The following LDB2 variants were observed in gnomAD, a reference collection of about 807,000 sequenced individuals.
LDB2 encodes the protein LIM domain binding 2.
LDB2 carries 12 observed loss-of-function variants against 44.3 expected under a neutral mutation model. The ratio of observed to expected loss-of-function variants is 0.27; its 90% CI spans 0.17 to 0.44. The LOEUF (loss-of-function observed/expected upper bound fraction) is 0.44. Ranked by LOEUF, LDB2 falls within the 20% of genes least tolerant of loss-of-function variation. LDB2 has a pLI of 1.00. For missense variants in LDB2, 344 were observed against 473.5 expected (o/e 0.73, Z 2.54); for synonymous variants, 164 against 174.8 (o/e 0.94, Z 0.49).
At chr4:16,638,420 A>G (rs115642994) in intron 2 of LDB2, among the ~76,000 whole-genome samples, 1,972 of 152,338 alleles carry the variant, frequency 0.013, 26 homozygotes, top group South Asian at 0.04. Context: ...GAACGTACGA[A>G]TAGAGCTTAG....
chr4:16,514,749 A>T (rs1723011790), intron 5 of LDB2, among the ~76,000 whole-genome samples: 1 of 152,186 alleles, frequency 6.6e-6, no homozygotes. Context: ...AAGTAATGAG[A>T]CCTGGGTTAG....
At chr4:16,568,481 G>A (rs1001276147) in intron 5 of LDB2, among the ~76,000 whole-genome samples, 4 of 152,128 alleles carry the variant, frequency 2.6e-5, no homozygotes, top group South Asian at 2.1e-4. Flanking sequence ...TATAAGTGGC[G>A]TCATTTATTC....
intron 5 of LDB2, among the ~76,000 whole-genome samples, chr4:16,517,116 T>C (rs537023564): frequency 6.6e-6 from 1 of 152,288 alleles, no homozygotes; most frequent in South Asian, 2.1e-4. Context: ...CCTTAGTTGC[T>C]AGTCAAATCC....
chr4:16,744,760 G>A (rs963369855), intron 2 of LDB2, among the ~76,000 whole-genome samples: 1 of 152,224 alleles, frequency 6.6e-6, no homozygotes, highest in African/African-American at 2.4e-5. Context: ...ACAGGCCTGA[G>A]ACACCGCGCC....
chr4:16,508,229 A>G lies in LDB2; in HGVS notation c.891+306T>C, dbSNP rs184142157. Among the ~76,000 whole-genome samples the G allele has an allele frequency of 2.0e-5, 3 of 152,330 alleles. No homozygotes were observed. The East Asian group carries it at 5.8e-4, about 29-fold the overall frequency. On this transcript the variant is annotated intron_variant, in intron 7 of 7. Coordinates refer to ENST00000304523, the MANE Select transcript of LDB2 (RefSeq NM_001290.5). Reference sequence around the variant, plus strand: ...TAATACGCCACCAGGCATGCTGCTAAGTGATATTTTAATTAAACCTTAAGT... The same window carrying G: ...TAATACGCCACCAGGCATGCTGCTAGGTGATATTTTAATTAAACCTTAAGT...
chr4:16,537,847 T>C (rs1049722749), intron 5 of LDB2, among the ~76,000 whole-genome samples: 1 of 152,200 alleles, frequency 6.6e-6, no homozygotes, highest in African/African-American at 2.4e-5. Flanking sequence ...CCGGTTCCGC[T>C]TAGATGCCTA....
At chr4:16,785,457 T>C (rs1774214064) in intron 1 of LDB2, among the ~76,000 whole-genome samples, 1 of 152,178 alleles carries the variant, frequency 6.6e-6, no homozygotes, top group South Asian at 2.1e-4. Flanking sequence ...GATGCATCAC[T>C]GTAATGAGCA....
chr4:16,715,255 C>T (rs1756839432), intron 2 of LDB2, among the ~76,000 whole-genome samples: 1 of 152,170 alleles, frequency 6.6e-6, no homozygotes, highest in South Asian at 2.1e-4. Flanking sequence ...TTCCATGCTG[C>T]CTCCCATACA....
At chr4:16,833,017 G>A (rs207710) in intron 1 of LDB2, among the ~76,000 whole-genome samples, 54,085 of 151,990 alleles carry the variant, frequency 0.36, 10,569 homozygotes, top group East Asian at 0.61. Flanking sequence ...AACAAACAGC[G>A]ATGAAATCCT....
intron 1 of LDB2, among the ~76,000 whole-genome samples, chr4:16,873,237 A>C (rs1234946143): frequency 6.6e-6 from 1 of 152,194 alleles, no homozygotes; most frequent in East Asian, 1.9e-4. Flanking sequence ...AGAGAGAATG[A>C]ACTTATTTTG....
chr4:16,841,638 TC>T, intron 1 of LDB2, among the ~76,000 whole-genome samples: 1 of 152,314 alleles, frequency 6.6e-6, no homozygotes, highest in South Asian at 2.1e-4. Flanking sequence ...AAGGGCTTCT[TC>T]CCCCTTTTCT....
At chr4:16,851,846 A>G (rs995109270) in intron 1 of LDB2, among the ~76,000 whole-genome samples, 5 of 152,210 alleles carry the variant, frequency 3.3e-5, no homozygotes, top group African/African-American at 1.2e-4. Flanking sequence ...CTCCAGTGAG[A>G]GAGAGGATCA....
At chr4:16,815,946 G>C (rs994507024) in intron 1 of LDB2, among the ~76,000 whole-genome samples, 1 of 152,212 alleles carries the variant, frequency 6.6e-6, no homozygotes, top group African/African-American at 2.4e-5. Context: ...GGTGGCTCAT[G>C]CCTATAATCC....
intron 1 of LDB2, among the ~76,000 whole-genome samples, chr4:16,830,782 C>T (rs1307783120): frequency 1.3e-5 from 2 of 152,124 alleles, no homozygotes; most frequent in Admixed American, 6.5e-5. Context: ...TTATTGGACC[C>T]GAGGAGGTCC....
chr4:16,712,692 T>C (rs1387196101), intron 2 of LDB2, among the ~76,000 whole-genome samples: 1 of 152,194 alleles, frequency 6.6e-6, no homozygotes, highest in Non-Finnish European at 1.5e-5. Context: ...AGGATGGCTA[T>C]AATCATACAA....
intron 1 of LDB2, among the ~76,000 whole-genome samples, chr4:16,828,219 C>T (rs1055769541): frequency 1.3e-5 from 2 of 152,198 alleles, no homozygotes. Context: ...AATACTCAAA[C>T]TTCTAATCAA....
chr4:16,714,865 C>G (rs2152669504), intron 2 of LDB2, among the ~76,000 whole-genome samples: 1 of 152,154 alleles, frequency 6.6e-6, no homozygotes, highest in African/African-American at 2.4e-5. Context: ...CACACAATAT[C>G]CTCTCCTTTC....
intron 1 of LDB2, among the ~76,000 whole-genome samples, chr4:16,813,083 C>T (rs909597407): frequency 1.3e-5 from 2 of 151,958 alleles, no homozygotes; most frequent in African/African-American, 2.4e-5. Flanking sequence ...CTGCAACCTT[C>T]CCCTTGCCAG....
intron 2 of LDB2, among the ~76,000 whole-genome samples, chr4:16,633,554 A>C (rs1165423532): frequency 6.6e-6 from 1 of 152,204 alleles, no homozygotes; most frequent in African/African-American, 2.4e-5. Flanking sequence ...ACAACTTACA[A>C]GTGATGTGAA....
Sources: gnomAD v4.1 joint callset for allele counts (sites outside exome capture counted in the v4.1 genomes callset) on GRCh38, gnomAD v4.1.1 for gene constraint, MANE v1.5 for transcripts, NCBI Gene and HGNC (gene_info 2026-07-23, HGNC 2026-07-21) for gene names.